Variants in ATP7A observed in about 807,000 individuals in gnomAD.
ATP7A encodes the protein copper-transporting ATPase 1.
In ATP7A, 7 loss-of-function variants were observed where a neutral mutation model predicts 83.5. That is an observed-to-expected ratio of 0.08 (90% CI 0.05 to 0.16). The LOEUF (loss-of-function observed/expected upper bound fraction) is 0.16. Ranked by LOEUF, ATP7A falls within the 10% of genes least tolerant of loss-of-function variation. The probability of loss-of-function intolerance (pLI) is 1.00; values close to 1 mark genes in which losing one functional copy is unlikely to be tolerated. For missense variants in ATP7A, 940 were observed against 1,120.8 expected, an observed-to-expected ratio of 0.84 and a Z score of 2.30; for synonymous variants, 354 against 395.2, an observed-to-expected ratio of 0.90 and a Z score of 1.24.
intron 1 of ATP7A, among the ~76,000 whole-genome samples, chrX:77,949,317 T>C (rs1288716190): frequency 1.8e-5 from 2 of 111,895 alleles, no homozygotes; most frequent in Non-Finnish European, 3.8e-5. Context: ...ATCTCCTAGT[T>C]TGGTTTTATT....
At chrX:78,008,778 T>C (rs1557234017) in intron 6 of ATP7A, among the ~76,000 whole-genome samples, 1 of 110,384 alleles carries the variant, frequency 9.1e-6, no homozygotes, top group Non-Finnish European at 1.9e-5. Context: ...TAACTCGGGC[T>C]GGGCATGGTG....
intron 14 of ATP7A, 22 bp downstream of exon 14, chrX:78,021,101 G>C: frequency 8.4e-7 from 1 of 1,184,859 alleles, no homozygotes; most frequent in Non-Finnish European, 1.1e-6. Flanking sequence ...GTAATAACTC[G>C]TTACTATATG....
intron 1 of ATP7A, among the ~76,000 whole-genome samples, chrX:77,927,444 T>C (rs1255879388): frequency 9.0e-6 from 1 of 111,665 alleles, no homozygotes; most frequent in Admixed American, 9.5e-5. Context: ...AAGCAAACAA[T>C]TATGTGTTTT....
intron 1 of ATP7A, among the ~76,000 whole-genome samples, chrX:77,941,720 TC>T (rs1557225662): frequency 8.9e-6 from 1 of 112,152 alleles, no homozygotes; most frequent in East Asian, 2.8e-4. Flanking sequence ...AGAGTATAGT[TC>T]ATGAGTGAAT....
chrX:77,928,161 T>C (rs1485313791), intron 1 of ATP7A, among the ~76,000 whole-genome samples: 1 of 110,365 alleles, frequency 9.1e-6, no homozygotes, highest in African/African-American at 3.3e-5. Context: ...AGGGTCTTAC[T>C]ATATTGCCCA....
chrX:77,954,356 C>G (rs1370673124), intron 1 of ATP7A, among the ~76,000 whole-genome samples: 1 of 111,165 alleles, frequency 9.0e-6, no homozygotes, highest in Non-Finnish European at 1.9e-5. Flanking sequence ...ATTGGCCAGG[C>G]TAGTCTCGAA....
chrX:78,020,143 T>G lies in ATP7A; in HGVS notation c.2627-101T>G. 3 of 1,002,481 alleles carry G rather than the reference T, an allele frequency of 3.0e-6. No individual in the cohort carries two copies. The South Asian group carries it at 5.9e-5, about 20-fold the overall frequency. The allele number at this position is 1,002,481 out of a possible 1,213,427, so 82.6% of individuals were successfully genotyped here. A position where few individuals can be genotyped will look rare whatever the true frequency, so the allele number is the denominator to read the frequency against. On this transcript the variant is annotated intron_variant, in intron 12 of 22. Transcript: ENST00000341514. ...CTTTCACCTAGGCATTTGTTCAGAT[T>G]CTATTTTATATCTAGATATTTTTGA...
In ATP7A at chrX:77,981,132, A is replaced by G. The variant is rs929601499; in HGVS notation, c.121-7110A>G. ...ATCAATATACAGAGCCCCATCTAAT[A>G]TTTTTCTTTCTATATGGGACTCTTT... On this transcript the variant is annotated intron_variant, in intron 2 of 22. Transcript: ENST00000341514. Among the ~76,000 whole-genome samples, 9 of 110,972 alleles carry G rather than the reference A, an allele frequency of 8.1e-5. No homozygotes were observed. In the South Asian group the frequency reaches 3.0e-3, roughly 37 times the overall value.
At position 78,011,671 on chromosome X, in the gene ATP7A, A is replaced by G; in HGVS notation, c.2169A>G (p.Val723=). Reference sequence around the variant, plus strand: ...TGTCCTTTTTATTGTGTGTACCTGTACAGGCAAGTGAATTGTTAGCAAATA... The same window carrying G: ...TGTCCTTTTTATTGTGTGTACCTGTGCAGGCAAGTGAATTGTTAGCAAATA... The part of the protein sequence containing the change: ...NLLSFLLCVP[V]QFFGGWYFYI... The change falls in exon 9 of 23, where the codon GTA becomes GTG. Residue 723 remains valine (V), a synonymous_variant. Coordinates refer to ENST00000341514, the MANE Select transcript of ATP7A (RefSeq NM_000052.7). The G allele has an allele frequency of 8.3e-7, 1 of 1,205,841 alleles. No individual in the cohort carries two copies. Among genetic ancestry groups the G allele is most frequent in the Non-Finnish European group, 1.1e-6 (1 of 890,164 alleles).
intron 15 of ATP7A, 143 bp from the exon 16 acceptor site, chrX:78,031,257 T>A: frequency 1.8e-6 from 1 of 547,326 alleles, no homozygotes. Context: ...CCGAAGACCA[T>A]CAGTTTTTTA....
At chrX:78,033,351 C>T (rs782172873) in intron 16 of ATP7A, among the ~76,000 whole-genome samples, 2 of 112,596 alleles carry the variant, frequency 1.8e-5, no homozygotes, top group Non-Finnish European at 3.8e-5. Context: ...GCTTCCCAGC[C>T]GGCTTCTTCA....
chrX:78,045,624 A>G, intron 22 of ATP7A, 52 bp downstream of exon 22: 1 of 1,031,453 alleles, frequency 9.7e-7, no homozygotes, highest in Non-Finnish European at 1.4e-6. Context: ...GTTATCATCT[A>G]GTCATTCTTG....
chrX:77,939,343 T>C (rs1371906558), intron 1 of ATP7A, among the ~76,000 whole-genome samples: 1 of 111,111 alleles, frequency 9.0e-6, no homozygotes, highest in Non-Finnish European at 1.9e-5. Context: ...CTCTGATGAA[T>C]ATTCCTATAT....
At chrX:77,961,317 C>T (rs2077473294) in intron 1 of ATP7A, among the ~76,000 whole-genome samples, 1 of 111,700 alleles carries the variant, frequency 9.0e-6, no homozygotes, top group South Asian at 3.7e-4. Context: ...AGAGTTAGTC[C>T]AGTGCTTTGG....
intron 1 of ATP7A, among the ~76,000 whole-genome samples, chrX:77,956,741 T>TTCTG (rs2077444278): frequency 1.1e-5 from 1 of 94,825 alleles, no homozygotes; most frequent in African/African-American, 3.9e-5. Context: ...CTTTCTTTCT[T>TTCTG]TCTTTCTTTC....
rs1451075634 is a variant in ATP7A at position 78,048,399 on chromosome X, C to T, written c.*1829C>T. The T allele has an allele frequency of 1.8e-5, 2 of 112,277 alleles. No individual in the cohort carries two copies. Among genetic ancestry groups the T allele is most frequent in the Non-Finnish European group, 3.8e-5 (2 of 53,216 alleles). The allele number at this position is 112,277 out of a possible 1,213,427, so 9.3% of individuals were successfully genotyped here. A position where few individuals can be genotyped will look rare whatever the true frequency, so the allele number is the denominator to read the frequency against. ...GTACTCGGTAAATGTTAGTTCTTTT[C>T]TCCCCTTGAGGTCAGTAATAAATAC... On this transcript the variant is annotated 3_prime_UTR_variant, in exon 23 of 23. Coordinates refer to ENST00000341514, the MANE Select transcript of ATP7A (RefSeq NM_000052.7).
chrX:77,961,462 A>G (rs1410782923), intron 1 of ATP7A, among the ~76,000 whole-genome samples: 5 of 112,048 alleles, frequency 4.5e-5, no homozygotes, highest in Non-Finnish European at 9.4e-5. Context: ...ATGTTTTCCC[A>G]TAAAACGATT....
chrX:77,962,801 G>A (rs1243791759), intron 1 of ATP7A: 1 of 387,054 alleles, frequency 2.6e-6, no homozygotes, highest in African/African-American at 2.6e-5. Flanking sequence ...AAGTGGAAGA[G>A]CTTGCCGTCA....
In ATP7A at chrX:77,989,812, G is replaced by T. The variant is rs1557231895; in HGVS notation, c.1190G>T (p.Gly397Val). 1 of 1,210,920 alleles carries T rather than the reference G, an allele frequency of 8.3e-7. No homozygotes were observed. Among genetic ancestry groups the T allele is most frequent in the African/African-American group, 1.7e-5 (1 of 57,731 alleles). ...AATTCCTGTGTGCAGTCTATTGAGG[G>T]TGTCATATCAAAAAAGCCAGGTGTA... ...TCNSCVQSIEGVISKKPGVKS... is the reference protein window; with the variant it reads ...TCNSCVQSIEVVISKKPGVKS... Residue 397 changes from glycine to valine, a missense_variant, in exon 4 of 23, where the codon GGT (glycine) becomes GTT (valine). By Grantham distance (109) the Gly-to-Val change is moderately radical. Coordinates refer to ENST00000341514, the MANE Select transcript of ATP7A (RefSeq NM_000052.7).
Sources: allele counts gnomAD v4.1 joint callset (sites outside exome capture counted in the v4.1 genomes callset), GRCh38; gene constraint gnomAD v4.1.1; transcripts MANE v1.5; gene names NCBI Gene and HGNC (gene_info 2026-07-23, HGNC 2026-07-21).